The following NTN1 variants were observed in gnomAD, a reference collection of about 807,000 sequenced individuals.
The protein encoded by NTN1 is netrin-1.
In NTN1, 11 loss-of-function variants were observed where a neutral mutation model predicts 54.2. The ratio of observed to expected loss-of-function variants is 0.20; its 90% CI spans 0.13 to 0.34. The LOEUF (loss-of-function observed/expected upper bound fraction) is 0.34, where lower values mean the gene tolerates loss of function less well. NTN1 is among the 10% of genes least tolerant of loss of function. The pLI is 1.00. For synonymous variants in NTN1, 371 were observed against 382.0 expected (o/e 0.97, Z 0.33); for missense variants, 740 against 893.1 (o/e 0.83, Z 2.18).
chr17:9,125,792 A>G (rs1045871409), intron 2 of NTN1, among the ~76,000 whole-genome samples: 5 of 152,136 alleles, frequency 3.3e-5, no homozygotes, highest in South Asian at 2.1e-4. Flanking sequence ...TTTTATATTC[A>G]TGATCACGTG....
chr17:9,186,014 G>T (rs980730279), intron 5 of NTN1, among the ~76,000 whole-genome samples: 3 of 151,768 alleles, frequency 2.0e-5, no homozygotes, highest in African/African-American at 7.3e-5. Context: ...AGCTCCTCCT[G>T]CTGGGGTTTC....
chr17:9,007,194 T>C, the NTN1 span, among the ~76,000 whole-genome samples: 6 of 151,574 alleles, frequency 4.0e-5, no homozygotes, highest in South Asian at 1.0e-3. Flanking sequence ...TCCCTTTCTT[T>C]CTTCCTTCCT....
chr17:9,013,388 G>A, the NTN1 span, among the ~76,000 whole-genome samples: 16 of 151,732 alleles, frequency 1.1e-4, no homozygotes, highest in African/African-American at 3.9e-4. Context: ...GGCTTATTTT[G>A]TATTTTTAGT....
rs34098463 is a variant in NTN1 at position 9,026,391 on chromosome 17, C to CGGG, written c.1018+3008_1018+3010dup. On this transcript the variant is annotated intron_variant, in intron 2 of 6. Transcript: ENST00000173229. ...TTTAAATGCAGTTTTGGATTTCTTC[C>CGGG]GGGGGGGGGGAACAAACAACCCTCA... Among the ~76,000 whole-genome samples the CGGG allele has an allele frequency of 7.6e-3, 1,052 of 137,646 alleles. 3 individuals carry two copies. Among genetic ancestry groups the CGGG allele is most frequent in the Middle Eastern group, 0.014 (4 of 278 alleles). The allele number at this position is 137,646 out of a possible 152,430, so 90.3% of individuals were successfully genotyped here. A position where few individuals can be genotyped will look rare whatever the true frequency, so the allele number is the denominator to read the frequency against.
At chr17:9,207,589 C>A (rs921710756) in intron 5 of NTN1, among the ~76,000 whole-genome samples, 1 of 152,164 alleles carries the variant, frequency 6.6e-6, no homozygotes, top group Non-Finnish European at 1.5e-5. Flanking sequence ...ATTTTGAGTT[C>A]CTTGGTCGCC....
At chr17:9,095,106 G>A (rs1483704099) in intron 2 of NTN1, among the ~76,000 whole-genome samples, 1 of 150,592 alleles carries the variant, frequency 6.6e-6, no homozygotes, top group African/African-American at 2.4e-5. Context: ...TTGGGGAATT[G>A]CTTATTCAGG....
intron 5 of NTN1, among the ~76,000 whole-genome samples, chr17:9,218,769 G>A (rs896980302): frequency 2.0e-5 from 3 of 152,176 alleles, no homozygotes; most frequent in Non-Finnish European, 4.4e-5. Flanking sequence ...GAGCTGACAT[G>A]CTCAAAGGCA....
chr17:9,202,075 A>C (rs1405645836), intron 5 of NTN1, among the ~76,000 whole-genome samples: 36 of 140,476 alleles, frequency 2.6e-4, no homozygotes, highest in Non-Finnish European at 3.9e-4. Context: ...AAAAAAAAAA[A>C]AAAAAAAAAA....
At chr17:9,215,823 A>G (rs1905206354) in intron 5 of NTN1, among the ~76,000 whole-genome samples, 3 of 152,100 alleles carry the variant, frequency 2.0e-5, no homozygotes, top group Admixed American at 2.0e-4. Flanking sequence ...ATTTTTGGAA[A>G]ACTTCAGTGA....
In NTN1 at chr17:9,109,037, C is replaced by T. The variant is rs184588401; in HGVS notation, c.1019-53776C>T. 1.9e-3 allele frequency among the ~76,000 whole-genome samples: 282 copies of T among 152,050 alleles called. 2 individuals carry two copies. In the East Asian group the frequency reaches 0.023, roughly 13 times the overall value. ...GACTACAGCTGTGCACCACCACCCC[C>T]GGCTAATTTTTGTATTTTTAGTAGA... On this transcript the variant is annotated intron_variant, in intron 2 of 6. Coordinates refer to ENST00000173229, the MANE Select transcript of NTN1 (RefSeq NM_004822.3).
the NTN1 span, among the ~76,000 whole-genome samples, chr17:9,012,358 A>G: frequency 1.1e-4 from 16 of 152,074 alleles, no homozygotes; most frequent in African/African-American, 2.7e-4. Flanking sequence ...TAAAAGTACA[A>G]AAATTAGCTG....
At position 9,228,282 on chromosome 17, in the gene NTN1, TGGAG is replaced by T. The variant is rs1314568703; in HGVS notation, c.1486+7046_1486+7049del. ...CACTGGGCAAAGCAGGGCTCCTCGG[TGGAG>T]GGAGGAAGGTCTCTAAGCAAGAAGC... On this transcript the variant is annotated intron_variant, in intron 6 of 6. Coordinates refer to ENST00000173229, the MANE Select transcript of NTN1 (RefSeq NM_004822.3). Among the ~76,000 whole-genome samples, 9 of 151,924 alleles carry T rather than the reference TGGAG, an allele frequency of 5.9e-5. No homozygotes were observed. In the South Asian group the frequency reaches 1.3e-3, roughly 21 times the overall value.
intron 3 of NTN1, among the ~76,000 whole-genome samples, chr17:9,167,513 AT>A (rs1232354408): frequency 1.3e-4 from 20 of 152,324 alleles, no homozygotes; most frequent in Non-Finnish European, 2.4e-4. Context: ...AAGGGCTTGC[AT>A]TTCCATCTCA....
the NTN1 span, among the ~76,000 whole-genome samples, chr17:9,007,005 A>G: frequency 2.0e-5 from 3 of 152,256 alleles, no homozygotes; most frequent in African/African-American, 4.8e-5. Flanking sequence ...CCAGCATACC[A>G]GCTCCCTCCA....
At chr17:9,159,488 A>C (rs2092351613) in intron 2 of NTN1, among the ~76,000 whole-genome samples, 1 of 152,154 alleles carries the variant, frequency 6.6e-6, no homozygotes, top group Admixed American at 6.6e-5. Flanking sequence ...GCAGTTTGGC[A>C]ATTTGGTGCC....
intron 2 of NTN1, among the ~76,000 whole-genome samples, chr17:9,056,975 G>T (rs2091981359): frequency 6.6e-6 from 1 of 152,050 alleles, no homozygotes; most frequent in African/African-American, 2.4e-5. Context: ...TTCAACAGAG[G>T]CCCCCCTGTG....
intron 2 of NTN1, among the ~76,000 whole-genome samples, chr17:9,043,832 G>T (rs372641285): frequency 6.6e-6 from 1 of 151,822 alleles, no homozygotes; most frequent in African/African-American, 2.4e-5. Flanking sequence ...CACCCGCCTC[G>T]GCTTCTGAAA....
chr17:9,077,286 G>A (rs2092053943), intron 2 of NTN1, among the ~76,000 whole-genome samples: 1 of 152,174 alleles, frequency 6.6e-6, no homozygotes, highest in Non-Finnish European at 1.5e-5. Flanking sequence ...AGAGGAACAG[G>A]GTTTGGGGCT....
chr17:9,168,081 A>G (rs1390822018), intron 3 of NTN1, among the ~76,000 whole-genome samples: 1 of 152,168 alleles, frequency 6.6e-6, no homozygotes, highest in Non-Finnish European at 1.5e-5. Context: ...AGAAATGAGG[A>G]TGGTGAGTTG....
Sources: gnomAD v4.1 joint callset for allele counts (sites outside exome capture counted in the v4.1 genomes callset) on GRCh38, gnomAD v4.1.1 for gene constraint, MANE v1.5 for transcripts, NCBI Gene and HGNC (gene_info 2026-07-23, HGNC 2026-07-21) for gene names.